Variants in STK32A observed in about 807,000 individuals in gnomAD.
STK32A encodes serine/threonine kinase 32A.
A neutral mutation model predicts 53.2 loss-of-function variants in STK32A; 41 were observed. The observed-to-expected ratio is 0.77, with a 90% CI of 0.60 to 1.00. The LOEUF (loss-of-function observed/expected upper bound fraction) is 1.00, where lower values mean the gene tolerates loss of function less well. Among genes scored for constraint, STK32A ranks in the 50% least tolerant of loss-of-function variants. The probability of loss-of-function intolerance (pLI) is 0.00; values close to 1 mark genes in which losing one functional copy is unlikely to be tolerated. For synonymous variants in STK32A, 166 were observed against 162.8 expected, an observed-to-expected ratio of 1.02 and a Z score of -0.15; for missense variants, 458 against 485.8, an observed-to-expected ratio of 0.94 and a Z score of 0.54.
chr5:147,287,022 T>A (rs1280836980), intron 4 of STK32A, among the ~76,000 whole-genome samples: 1 of 152,186 alleles, frequency 6.6e-6, no homozygotes, highest in Non-Finnish European at 1.5e-5. Context: ...TGTTGCTTTG[T>A]AGCGTATTTC....
intron 4 of STK32A, among the ~76,000 whole-genome samples, chr5:147,308,323 T>G (rs1043039030): frequency 1.3e-5 from 2 of 152,110 alleles, no homozygotes; most frequent in Admixed American, 6.6e-5. Context: ...TGGTATTATT[T>G]ATCAAAATTG....
At chr5:147,286,894 C>T (rs1255342951) in intron 4 of STK32A, among the ~76,000 whole-genome samples, 1 of 152,042 alleles carries the variant, frequency 6.6e-6, no homozygotes, top group East Asian at 1.9e-4. Context: ...ACTTTCTTTC[C>T]CCATGAACTG....
intron 2 of STK32A, among the ~76,000 whole-genome samples, chr5:147,260,295 G>GTCTCTCTCTCTCTCTCTC (rs71001423): frequency 4.7e-4 from 55 of 117,384 alleles, no homozygotes; most frequent in African/African-American, 1.7e-3. Flanking sequence ...TCTCTCGCCT[G>GTCTCTCTCTCTCTCTCTC]TCTCTCTCTC....
chr5:147,401,811 A>C, the STK32A span: 1 of 1,296,148 alleles, frequency 7.7e-7, no homozygotes, highest in Non-Finnish European at 1.0e-6. Context: ...AGTCAGACTG[A>C]CCTGGGTTCA....
intron 8 of STK32A, among the ~76,000 whole-genome samples, chr5:147,368,693 A>C (rs1024398359): frequency 6.6e-6 from 1 of 152,226 alleles, no homozygotes; most frequent in South Asian, 2.1e-4. Context: ...TAAATTAAAA[A>C]ATAAGATAAA....
At chr5:147,353,704 G>C (rs1393210281) in intron 7 of STK32A, among the ~76,000 whole-genome samples, 1 of 152,116 alleles carries the variant, frequency 6.6e-6, no homozygotes, top group Non-Finnish European at 1.5e-5. Flanking sequence ...AGGTTGCAGT[G>C]AGCCGAGACT....
At chr5:147,397,514 A>T in the STK32A span, 2 of 786,034 alleles carry the variant, frequency 2.5e-6, no homozygotes, top group Non-Finnish European at 3.7e-6. Flanking sequence ...ATAGTACATT[A>T]AGTCTGTGTA....
chr5:147,301,066 G>T (rs915732132), intron 4 of STK32A, among the ~76,000 whole-genome samples: 1 of 152,172 alleles, frequency 6.6e-6, no homozygotes, highest in Non-Finnish European at 1.5e-5. Context: ...TTCACAGAAA[G>T]GGGTAGATGG....
chr5:147,381,822 C>T lies in STK32A; in HGVS notation c.1033-1619C>T, dbSNP rs191771601. Among the ~76,000 whole-genome samples the T allele has an allele frequency of 1.5e-3, 224 of 152,116 alleles. 1 individual carries two copies. The highest frequency in any genetic ancestry group is 6.8e-3 in the Middle Eastern group (2 of 294). On this transcript the variant is annotated intron_variant, in intron 11 of 12. Transcript: ENST00000397936. ...TTCTCCTCCTGGGACTTCCACAGTA[C>T]GTACACTGGTTTGCTTGATGGTGTT... is the stretch of plus-strand genomic sequence containing the variant.
At chr5:147,277,356 G>A (rs1751802676) in intron 2 of STK32A, among the ~76,000 whole-genome samples, 1 of 152,062 alleles carries the variant, frequency 6.6e-6, no homozygotes, top group African/African-American at 2.4e-5. Context: ...CATTTCACGA[G>A]CATTGACTCA....
chr5:147,345,336 A>C (rs948559240), intron 6 of STK32A, among the ~76,000 whole-genome samples: 4 of 152,218 alleles, frequency 2.6e-5, no homozygotes, highest in African/African-American at 9.6e-5. Context: ...TGATGCAATG[A>C]CTGTCACAAA....
chr5:147,263,174 C>A (rs1184244051), intron 2 of STK32A, among the ~76,000 whole-genome samples: 2 of 152,172 alleles, frequency 1.3e-5, no homozygotes, highest in Non-Finnish European at 2.9e-5. Context: ...ATAATACTGG[C>A]AGCCAAGGAC....
chr5:147,261,942 A>C (rs4705035), intron 2 of STK32A, among the ~76,000 whole-genome samples: 34,599 of 152,070 alleles, frequency 0.23, 4,505 homozygotes, highest in Admixed American at 0.33. Context: ...CTTAGGATAC[A>C]TTTATAGGGG....
chr5:147,255,622 G>A (rs143384617), intron 2 of STK32A, among the ~76,000 whole-genome samples: 47 of 152,326 alleles, frequency 3.1e-4, no homozygotes, highest in African/African-American at 1.0e-3. Flanking sequence ...TGTTTGGGAT[G>A]AAGGTGCAAC....
intron 7 of STK32A, among the ~76,000 whole-genome samples, chr5:147,352,743 C>T (rs1330223558): frequency 6.6e-6 from 1 of 152,178 alleles, no homozygotes; most frequent in Non-Finnish European, 1.5e-5. Flanking sequence ...GGAGTTAACA[C>T]AGCCTGGTTG....
At chr5:147,333,275 G>A (rs1754960589) in intron 5 of STK32A, among the ~76,000 whole-genome samples, 1 of 152,160 alleles carries the variant, frequency 6.6e-6, no homozygotes, top group South Asian at 2.1e-4. Flanking sequence ...AGCTTACAAT[G>A]GGTTTATCAG....
At chr5:147,262,401 G>GACC (rs201338756) in intron 2 of STK32A, among the ~76,000 whole-genome samples, 6,015 of 152,252 alleles carry the variant, frequency 0.04, 170 homozygotes, top group Middle Eastern at 0.099. Context: ...CAAAGCCAGT[G>GACC]AATGATAAAG....
intron 4 of STK32A, among the ~76,000 whole-genome samples, chr5:147,308,405 C>A (rs1245638919): frequency 6.6e-6 from 1 of 151,990 alleles, no homozygotes; most frequent in Admixed American, 6.6e-5. Flanking sequence ...TGTTCAGTGA[C>A]CTGGCTAAAT....
chr5:147,330,569 T>C (rs1472524830), intron 5 of STK32A, among the ~76,000 whole-genome samples: 2 of 152,208 alleles, frequency 1.3e-5, no homozygotes, highest in Admixed American at 6.5e-5. Flanking sequence ...TGCATCACAG[T>C]TCCATACCAA....
Sources: allele counts gnomAD v4.1 joint callset (sites outside exome capture counted in the v4.1 genomes callset), GRCh38; gene constraint gnomAD v4.1.1; transcripts MANE v1.5; gene names NCBI Gene and HGNC (gene_info 2026-07-23, HGNC 2026-07-21).